ALCAM: variants seen among roughly 807,000 people sequenced by gnomAD.
ALCAM encodes CD166 antigen.
Under a neutral mutation model 70.9 loss-of-function variants are expected in ALCAM, and 30 were observed. That is an observed-to-expected ratio of 0.42 (90% CI 0.32 to 0.57). The LOEUF (loss-of-function observed/expected upper bound fraction) is 0.57, where lower values mean the gene tolerates loss of function less well. Ranked by LOEUF, ALCAM falls within the 20% of genes least tolerant of loss-of-function variation. ALCAM has a pLI of 0.11. For missense variants in ALCAM, 591 were observed against 695.1 expected, an observed-to-expected ratio of 0.85 and a Z score of 1.68; for synonymous variants, 249 against 242.5, an observed-to-expected ratio of 1.03 and a Z score of -0.25.
intron 14 of ALCAM, among the ~76,000 whole-genome samples, chr3:105,561,099 A>G (rs1940621353): frequency 6.6e-6 from 1 of 152,188 alleles, no homozygotes; most frequent in Admixed American, 6.5e-5. Context: ...AAATGTAGAC[A>G]TTTGATATGT....
At chr3:105,450,795 G>T (rs73183185) in intron 1 of ALCAM, among the ~76,000 whole-genome samples, 22,736 of 152,012 alleles carry the variant, frequency 0.15, 1,810 homozygotes, top group Middle Eastern at 0.19. Context: ...GTCTGTTGGG[G>T]GCAAAGAGCC....
intron 14 of ALCAM, among the ~76,000 whole-genome samples, chr3:105,559,375 AC>A (rs546659767): frequency 6.0e-5 from 9 of 151,022 alleles, no homozygotes; most frequent in Non-Finnish European, 1.2e-4. Context: ...TTAAAAAAAA[AC>A]AAAACAAATT....
intron 3 of ALCAM, among the ~76,000 whole-genome samples, chr3:105,530,330 T>TAATTATTATCA (rs1317378169): frequency 6.6e-6 from 1 of 152,064 alleles, no homozygotes; most frequent in East Asian, 1.9e-4. Flanking sequence ...TTAATAACAT[T>TAATTATTATCA]CTATTAAAAT....
chr3:105,505,081 G>A (rs930470872), intron 1 of ALCAM, among the ~76,000 whole-genome samples: 7 of 152,174 alleles, frequency 4.6e-5, no homozygotes, highest in Admixed American at 2.0e-4. Context: ...TGCCTTAATT[G>A]CTACACTCTG....
chr3:105,392,532 A>G (rs1935850003), intron 1 of ALCAM, among the ~76,000 whole-genome samples: 1 of 150,970 alleles, frequency 6.6e-6, no homozygotes. Context: ...AATAGCTCGT[A>G]GATTCATTGA....
At chr3:105,513,670 G>A (rs1206093717) in intron 1 of ALCAM, among the ~76,000 whole-genome samples, 1 of 151,830 alleles carries the variant, frequency 6.6e-6, no homozygotes, top group Non-Finnish European at 1.5e-5. Context: ...TAAAAATAAG[G>A]TTTCACAACT....
chr3:105,527,779 A>G (rs779542741), intron 3 of ALCAM, among the ~76,000 whole-genome samples: 4 of 152,110 alleles, frequency 2.6e-5, no homozygotes, highest in Non-Finnish European at 5.9e-5. Context: ...TAGTGGCTTC[A>G]CACAGAGGTA....
At chr3:105,386,661 AAT>A (rs113319090) in intron 1 of ALCAM, among the ~76,000 whole-genome samples, 5 of 148,140 alleles carry the variant, frequency 3.4e-5, no homozygotes, top group African/African-American at 7.4e-5. Flanking sequence ...TACCACCATA[AAT>A]ATATATATAT....
intron 11 of ALCAM, among the ~76,000 whole-genome samples, chr3:105,548,077 A>G (rs1940295610): frequency 6.6e-6 from 1 of 151,530 alleles, no homozygotes; most frequent in Non-Finnish European, 1.5e-5. Context: ...TATAGTGCCT[A>G]GGATGTGCCC....
intron 1 of ALCAM, among the ~76,000 whole-genome samples, chr3:105,385,440 G>A (rs1297578355): frequency 6.6e-6 from 1 of 151,504 alleles, no homozygotes; most frequent in Non-Finnish European, 1.5e-5. Flanking sequence ...GCATGAAAAG[G>A]AACTTGCTAT....
At chr3:105,513,085 C>G (rs1184980431) in intron 1 of ALCAM, among the ~76,000 whole-genome samples, 1 of 146,998 alleles carries the variant, frequency 6.8e-6, no homozygotes, top group Non-Finnish European at 1.5e-5. Flanking sequence ...CTATCCCCCC[C>G]AAAGCACCCC....
intron 11 of ALCAM, among the ~76,000 whole-genome samples, chr3:105,549,524 T>A (rs1427368959): frequency 1.3e-5 from 2 of 151,434 alleles, no homozygotes; most frequent in Non-Finnish European, 3.0e-5. Context: ...TTAAAGTAAA[T>A]TGTATTTTAT....
intron 1 of ALCAM, among the ~76,000 whole-genome samples, chr3:105,426,347 C>A (rs942927577): frequency 1.3e-5 from 2 of 151,686 alleles, no homozygotes; most frequent in South Asian, 4.1e-4. Flanking sequence ...TTATTATATT[C>A]TTTAAAATGT....
At chr3:105,508,006 G>A (rs912190365) in intron 1 of ALCAM, among the ~76,000 whole-genome samples, 8 of 152,044 alleles carry the variant, frequency 5.3e-5, no homozygotes, top group Non-Finnish European at 8.8e-5. Flanking sequence ...TGATCTGAAA[G>A]ATGCCTATCT....
chr3:105,553,498 A>G (rs1413477256), intron 14 of ALCAM, among the ~76,000 whole-genome samples: 1 of 151,852 alleles, frequency 6.6e-6, no homozygotes, highest in African/African-American at 2.4e-5. Flanking sequence ...TTAATTTTAT[A>G]TTATGTCTGA....
intron 1 of ALCAM, among the ~76,000 whole-genome samples, chr3:105,378,362 T>G (rs1302394228): frequency 6.6e-6 from 1 of 151,970 alleles, no homozygotes; most frequent in East Asian, 1.9e-4. Context: ...GGTATTTAGT[T>G]TAGATGTTCA....
chr3:105,430,070 T>C (rs1936889551), intron 1 of ALCAM, among the ~76,000 whole-genome samples: 1 of 151,920 alleles, frequency 6.6e-6, no homozygotes, highest in African/African-American at 2.4e-5. Context: ...ACACAATATA[T>C]CAACACATTT....
intron 1 of ALCAM, among the ~76,000 whole-genome samples, chr3:105,486,867 A>G (rs1329659550): frequency 6.6e-6 from 1 of 152,122 alleles, no homozygotes; most frequent in Non-Finnish European, 1.5e-5. Context: ...TAAATGGATG[A>G]ATTATGTTTT....
At chr3:105,478,890 C>A (rs901018166) in intron 1 of ALCAM, among the ~76,000 whole-genome samples, 5 of 151,902 alleles carry the variant, frequency 3.3e-5, no homozygotes, top group Non-Finnish European at 7.4e-5. Flanking sequence ...TAATAAATAA[C>A]CTCAGATTGG....
Sources: allele counts gnomAD v4.1 joint callset (sites outside exome capture counted in the v4.1 genomes callset), GRCh38; gene constraint gnomAD v4.1.1; transcripts MANE v1.5; gene names NCBI Gene and HGNC (gene_info 2026-07-23, HGNC 2026-07-21).